TANC2: variants seen among roughly 807,000 people sequenced by gnomAD.
TANC2 encodes protein TANC2.
In TANC2, 26 loss-of-function variants were observed where a neutral mutation model predicts 210.5. The observed-to-expected ratio is 0.12, with a 90% CI of 0.09 to 0.17. The LOEUF (loss-of-function observed/expected upper bound fraction) is 0.17, where lower values mean the gene tolerates loss of function less well. Among genes scored for constraint, TANC2 ranks in the 10% least tolerant of loss-of-function variants. The probability of loss-of-function intolerance (pLI) is 1.00; values close to 1 mark genes in which losing one functional copy is unlikely to be tolerated. For synonymous variants in TANC2, 931 were observed against 967.1 expected (o/e 0.96, Z 0.69); for missense variants, 2,129 against 2,608.9 (o/e 0.82, Z 4.01).
exon 26 of TANC2, chr17:63,415,636 C>T (rs2048835905): frequency 6.2e-7 from 1 of 1,613,870 alleles, no homozygotes; most frequent in Non-Finnish European, 8.5e-7. Context: ...AAAGGTGTCT[C>T]TCCTCCTCAA....
intron 14 of TANC2, 112 bp from the exon 15 acceptor site, chr17:63,379,606 C>G (rs1040366553): frequency 5.7e-6 from 4 of 698,220 alleles, no homozygotes; most frequent in Non-Finnish European, 9.1e-6. Flanking sequence ...GAGGTGGAGG[C>G]TGCAGTGAGC....
At chr17:63,408,696 C>G (rs573126093) in intron 21 of TANC2, among the ~76,000 whole-genome samples, 30 of 152,336 alleles carry the variant, frequency 2.0e-4, no homozygotes, top group Non-Finnish European at 3.8e-4. Flanking sequence ...AAACCATAGA[C>G]TCTAATGACC....
At chr17:63,307,796 C>G (rs1017844864) in intron 9 of TANC2, among the ~76,000 whole-genome samples, 3 of 151,776 alleles carry the variant, frequency 2.0e-5, no homozygotes, top group African/African-American at 7.3e-5. Flanking sequence ...GACAGAGTCT[C>G]GCTCTGTTGC....
Position 63,267,822 on chromosome 17 carries a change from C to T in TANC2, c.1108C>T (p.Arg370Ter). ...ACATACACCTTTGAGAACTTCTCTA[C>T]GAATGCCAAGACAGAGCATGGGTGG... The change falls in exon 9 of 28, where the codon CGA becomes TGA. Residue 370 changes from arginine to a stop codon, truncating the protein, a stop_gained. Coordinates refer to ENST00000689528, the Ensembl canonical transcript of TANC2. LOFTEE classifies it high-confidence loss of function. 1 of 1,613,122 alleles carries T rather than the reference C, an allele frequency of 6.2e-7. No individual in the cohort carries two copies.
At chr17:63,287,968 T>C (rs914661362) in intron 9 of TANC2, among the ~76,000 whole-genome samples, 4 of 152,192 alleles carry the variant, frequency 2.6e-5, no homozygotes, top group African/African-American at 4.8e-5. Context: ...TGAGCCACTG[T>C]GCCTGGCCGA....
intron 4 of TANC2, among the ~76,000 whole-genome samples, chr17:63,142,421 G>A (rs567705452): frequency 2.9e-4 from 44 of 152,070 alleles, no homozygotes; most frequent in African/African-American, 9.6e-4. Context: ...AGTCCTTTAC[G>A]TTTCTGCAGA....
intron 11 of TANC2, among the ~76,000 whole-genome samples, chr17:63,321,155 G>T (rs946519648): frequency 1.3e-5 from 2 of 151,422 alleles, no homozygotes; most frequent in Admixed American, 1.3e-4. Flanking sequence ...CCAAGATTGC[G>T]CCACTGCACT....
At chr17:63,160,780 A>T (rs888545147) in intron 5 of TANC2, among the ~76,000 whole-genome samples, 1 of 152,124 alleles carries the variant, frequency 6.6e-6, no homozygotes, top group African/African-American at 2.4e-5. Flanking sequence ...TTTTCCTCAG[A>T]ACTTTCACCA....
chr17:63,413,488 T>C, intron 24 of TANC2, 55 bp from the exon 25 acceptor site: 1 of 1,408,500 alleles, frequency 7.1e-7, no homozygotes, highest in Non-Finnish European at 9.6e-7. Context: ...CCTAGCTTCC[T>C]ACCACCCTTA....
chr17:63,296,465 C>A (rs1028734281), intron 9 of TANC2, among the ~76,000 whole-genome samples: 1 of 152,128 alleles, frequency 6.6e-6, no homozygotes, highest in East Asian at 1.9e-4. Flanking sequence ...TCCAGACTTA[C>A]CACATTATAA....
chr17:63,156,072 A>T (rs1347024622), intron 5 of TANC2, among the ~76,000 whole-genome samples: 4 of 152,178 alleles, frequency 2.6e-5, no homozygotes, highest in Admixed American at 1.3e-4. Flanking sequence ...CTAAATAATT[A>T]ACCATGCTTC....
At chr17:63,370,215 G>A (rs2047225496) in intron 14 of TANC2, among the ~76,000 whole-genome samples, 1 of 123,690 alleles carries the variant, frequency 8.1e-6, no homozygotes, top group East Asian at 2.3e-4. Context: ...GTCTCTCTCT[G>A]TCACCCAGGC....
At chr17:62,978,255 G>C (rs538776308) in intron 1 of TANC2, among the ~76,000 whole-genome samples, 6 of 152,272 alleles carry the variant, frequency 3.9e-5, no homozygotes, top group African/African-American at 1.4e-4. Flanking sequence ...TTGCAGGAAG[G>C]CAAGGGCATT....
intron 3 of TANC2, among the ~76,000 whole-genome samples, chr17:63,080,570 G>T (rs541362455): frequency 2.0e-5 from 3 of 152,156 alleles, no homozygotes; most frequent in Admixed American, 2.0e-4. Context: ...ATACATGCTG[G>T]TGTGTCAATA....
chr17:63,038,816 G>A (rs2035073790), intron 2 of TANC2, among the ~76,000 whole-genome samples: 1 of 152,088 alleles, frequency 6.6e-6, no homozygotes, highest in South Asian at 2.1e-4. Flanking sequence ...CCTTGGGAAA[G>A]GTACTTTAGC....
chr17:62,996,745 A>G (rs2033127116), intron 1 of TANC2, among the ~76,000 whole-genome samples: 1 of 150,338 alleles, frequency 6.7e-6, no homozygotes, highest in African/African-American at 2.5e-5. Context: ...TTTTTTTGAG[A>G]TTATTTGTGA....
At position 63,412,969 on chromosome 17, in the gene TANC2, G is replaced by C. The variant is rs1409186170; in HGVS notation, c.3928+260G>C. ...CCTTTTCTTTCTTTTTGTGGGTAAA[G>C]TCATCCTCAGTAATGTTGGTTTGTT... On this transcript the variant is annotated intron_variant, in intron 24 of 27. Transcript: ENST00000689528. The surrounding 1 kb of genome is among the most constrained non-coding windows in gnomAD (Gnocchi z 4.2). 6.6e-6 allele frequency among the ~76,000 whole-genome samples: 1 copy of C among 152,080 alleles called. No homozygotes were observed. Among genetic ancestry groups the C allele is most frequent in the Admixed American group, 6.5e-5 (1 of 15,272 alleles).
chr17:63,411,109 G>A (rs1287057966), intron 21 of TANC2, among the ~76,000 whole-genome samples: 2 of 152,078 alleles, frequency 1.3e-5, no homozygotes, highest in Non-Finnish European at 2.9e-5. Flanking sequence ...GGAGCAGCAT[G>A]ACCAAGAGTG....
At chr17:63,366,552 A>G (rs1479217662) in intron 14 of TANC2, among the ~76,000 whole-genome samples, 1 of 152,198 alleles carries the variant, frequency 6.6e-6, no homozygotes, top group Non-Finnish European at 1.5e-5. Flanking sequence ...TCTTGTTGGA[A>G]CAGAGAAAAG....
Sources: allele counts gnomAD v4.1 joint callset (sites outside exome capture counted in the v4.1 genomes callset), GRCh38; gene constraint gnomAD v4.1.1; non-coding constraint Gnocchi (gnomAD v3.1); transcripts MANE v1.5; gene names NCBI Gene and HGNC (gene_info 2026-07-23, HGNC 2026-07-21).